ADAM17: variants seen among roughly 807,000 people sequenced by gnomAD.
ADAM17 encodes the protein ADAM metallopeptidase domain 17.
A neutral mutation model predicts 96.7 loss-of-function variants in ADAM17; 39 were observed. The ratio of observed to expected loss-of-function variants is 0.40; its 90% CI spans 0.31 to 0.53. ADAM17 has a LOEUF of 0.53. ADAM17 is among the 20% of genes least tolerant of loss of function. The pLI, the probability that ADAM17 is intolerant of heterozygous loss-of-function variation, is 0.44. For missense variants in ADAM17, 777 were observed against 1,013.2 expected, an observed-to-expected ratio of 0.77 and a Z score of 3.17; for synonymous variants, 344 against 359.2, an observed-to-expected ratio of 0.96 and a Z score of 0.48.
chr2:9,523,195 A>G, intron 7 of ADAM17, 54 bp downstream of exon 7: 2 of 1,372,098 alleles, frequency 1.5e-6, no homozygotes, highest in Non-Finnish European at 2.0e-6. Flanking sequence ...TACAAGTGAC[A>G]AATATTTACA....
chr2:9,546,097 CA>C (rs34936940), intron 1 of ADAM17, among the ~76,000 whole-genome samples: 2,877 of 88,058 alleles, frequency 0.033, 33 homozygotes, highest in Non-Finnish European at 0.041. Flanking sequence ...GACCCAGTCT[CA>C]AAAAAAAAAA....
At chr2:9,529,178 G>C (rs1222342228) in intron 4 of ADAM17, among the ~76,000 whole-genome samples, 1 of 152,150 alleles carries the variant, frequency 6.6e-6, no homozygotes, top group African/African-American at 2.4e-5. Context: ...GGCTGGGCGT[G>C]GTGGCTCATG....
At chr2:9,545,135 C>G (rs1665358959) in intron 1 of ADAM17, among the ~76,000 whole-genome samples, 1 of 152,180 alleles carries the variant, frequency 6.6e-6, no homozygotes, top group South Asian at 2.1e-4. Flanking sequence ...CCAGCAGCAT[C>G]ATCATCAACT....
At position 9,536,757 on chromosome 2, in the gene ADAM17, C is replaced by T. The variant is rs1463366554; in HGVS notation, c.302G>A (p.Gly101Asp). The T allele has an allele frequency of 4.3e-6, 7 of 1,614,094 alleles. No homozygotes were observed. The highest frequency in any genetic ancestry group is 5.9e-6 in the Non-Finnish European group (7 of 1,179,980). ...TACAGTGTACTCGCTTTCGTTTTTACCATCCACCACCACGACCTTGAAATT... is the reference window on the plus strand; with the variant it reads ...TACAGTGTACTCGCTTTCGTTTTTATCATCCACCACCACGACCTTGAAATT... The part of the protein sequence containing the change: ...SQNFKVVVVD[G>D]KNESEYTVKW... Residue 101 changes from glycine (G) to aspartate (D), a missense_variant, in exon 3 of 19, where the codon GGT becomes GAT. Gly to Asp is a moderately conservative substitution (Grantham distance 94, BLOSUM62 -1). This residue lies in a region of ADAM17 where 134 missense variants were observed against 129.1 expected (regional missense o/e 1.04). Coordinates refer to ENST00000310823, the MANE Select transcript of ADAM17 (RefSeq NM_003183.6).
intron 11 of ADAM17, 117 bp downstream of exon 11, chr2:9,509,862 T>C: frequency 7.6e-7 from 1 of 1,320,668 alleles, no homozygotes; most frequent in Admixed American, 2.2e-5. Context: ...ACTTTGTAAT[T>C]TGCACATCCA....
rs55937573 is a variant in ADAM17 at position 9,505,239 on chromosome 2, G to A, written c.1471C>T (p.Pro491Ser). The A allele has an allele frequency of 4.5e-4, 720 of 1,614,098 alleles. 2 individuals are homozygous for A. The highest frequency in any genetic ancestry group is 2.6e-3 in the Admixed American group (155 of 60,002). Reference sequence around the variant, plus strand: ...TCGTTGTTCAGATACATGATGCCAGGATCACACTCTTCTCCTTCATCCACC... The same window carrying A: ...TCGTTGTTCAGATACATGATGCCAGAATCACACTCTTCTCCTTCATCCACC... ...SRVDEGEECD[P>S]GIMYLNNDTC... is the part of the protein sequence containing the mutation. Residue 491 changes from proline to serine, a missense_variant, in exon 12 of 19, where the codon CCT becomes TCT. Coordinates refer to ENST00000310823, the MANE Select transcript of ADAM17 (RefSeq NM_003183.6).
chr2:9,547,462 A>C (rs1665438945), intron 1 of ADAM17, among the ~76,000 whole-genome samples: 1 of 152,244 alleles, frequency 6.6e-6, no homozygotes, highest in Non-Finnish European at 1.5e-5. Flanking sequence ...TGCTGAGTCA[A>C]AGATGTTTTC....
chr2:9,541,929 A>G (rs1665220885), intron 2 of ADAM17, among the ~76,000 whole-genome samples: 1 of 152,150 alleles, frequency 6.6e-6, no homozygotes, highest in Non-Finnish European at 1.5e-5. Flanking sequence ...AGTCCCAGCT[A>G]CTTGAGAGGC....
chr2:9,542,043 T>A (rs1455186900), intron 2 of ADAM17, among the ~76,000 whole-genome samples: 1 of 152,096 alleles, frequency 6.6e-6, no homozygotes, highest in East Asian at 1.9e-4. Context: ...CTCAAAAAAA[T>A]AAATAAATAA....
intron 10 of ADAM17, among the ~76,000 whole-genome samples, chr2:9,511,243 G>A (rs186363183): frequency 3.3e-5 from 5 of 152,278 alleles, no homozygotes; most frequent in African/African-American, 1.2e-4. Flanking sequence ...GAGGTCAGGA[G>A]TTCGAGACCA....
chr2:9,535,505 A>G (rs1664924863), intron 4 of ADAM17, among the ~76,000 whole-genome samples: 1 of 152,214 alleles, frequency 6.6e-6, no homozygotes, highest in South Asian at 2.1e-4. Context: ...AAATTGAAAA[A>G]TAATACTTCA....
Position 9,488,501 on chromosome 2 carries a change from A to G in ADAM17, c.*1676T>C, listed in dbSNP as rs1449384458. The G allele has an allele frequency of 2.0e-6, 1 of 494,822 alleles. No individual in the cohort carries two copies. Among genetic ancestry groups the G allele is most frequent in the African/African-American group, 2.0e-5 (1 of 49,800 alleles). 30.7% of individuals were successfully genotyped at this position (494,822 alleles called of 1,614,324 possible). A position where few individuals can be genotyped will look rare whatever the true frequency, so the allele number is the denominator to read the frequency against. On this transcript the variant is annotated 3_prime_UTR_variant, in exon 19 of 19. Transcript: ENST00000310823. ...CTTAGGTCCATTGTGTTTCGACAGT[A>G]TTTATTAATGCAGATATCAGTGCTA...
Position 9,536,713 on chromosome 2 carries a change from T to C in ADAM17, c.346A>G (p.Thr116Ala), listed in dbSNP as rs1664974108. 6.2e-7 allele frequency: 1 copy of C among 1,614,072 alleles called. No individual in the cohort carries two copies. Among genetic ancestry groups the C allele is most frequent in the African/African-American group, 1.3e-5 (1 of 75,042 alleles). ...CCATACTAACCAACCACGTGTCCAGTGAAGAAGTCCTGCCATTTTACAGTG... is the reference window on the plus strand; with the variant it reads ...CCATACTAACCAACCACGTGTCCAGCGAAGAAGTCCTGCCATTTTACAGTG... ...EYTVKWQDFF[T>A]GHVVGEPDSR... The change falls in exon 3 of 19, where the codon ACT becomes GCT. Residue 116 changes from threonine to alanine, a missense_variant. Physicochemically the swap from Thr to Ala is moderately conservative, Grantham distance 58 (BLOSUM62 0). Around this residue, in one of 3 missense-constraint regions of ADAM17, gnomAD observed 446 missense variants for 664.7 expected, o/e 0.67. Transcript: ENST00000310823.
intron 15 of ADAM17, among the ~76,000 whole-genome samples, chr2:9,494,141 A>G (rs1662374938): frequency 6.6e-6 from 1 of 152,226 alleles, no homozygotes; most frequent in Non-Finnish European, 1.5e-5. Context: ...TGAACAACAC[A>G]GCCAGACTCC....
In ADAM17 at chr2:9,494,721, G is replaced by A. The variant is rs1572880905; in HGVS notation, c.1830C>T (p.Arg610=). 6.2e-7 allele frequency: 1 copy of A among 1,614,078 alleles called. No individual in the cohort carries two copies. The highest frequency in any genetic ancestry group is 1.7e-5 in the Admixed American group (1 of 60,016). Reference sequence around the variant, plus strand: ...GTTCAGCATCGACATAGGGCACACAGCGGCCAGAAAGGTCCCTGCAGCACA... The same window carrying A: ...GTTCAGCATCGACATAGGGCACACAACGGCCAGAAAGGTCCCTGCAGCACA... ...CKVCCRDLSG[R]CVPYVDAEQK... is the part of the protein sequence containing the mutation. Residue 610 remains arginine, a synonymous_variant, in exon 15 of 19, where the codon CGC becomes CGT. Coordinates refer to ENST00000310823, the MANE Select transcript of ADAM17 (RefSeq NM_003183.6).
At chr2:9,552,717 T>C (rs1225138636) in intron 1 of ADAM17, among the ~76,000 whole-genome samples, 4 of 152,224 alleles carry the variant, frequency 2.6e-5, no homozygotes, top group African/African-American at 9.6e-5. Flanking sequence ...GTGAGACTTA[T>C]ACACCCCAGC....
At chr2:9,531,124 A>G (rs1664720678) in intron 4 of ADAM17, among the ~76,000 whole-genome samples, 1 of 152,010 alleles carries the variant, frequency 6.6e-6, no homozygotes, top group Non-Finnish European at 1.5e-5. Context: ...AGCCTGGCTA[A>G]TTTTTGTATT....
chr2:9,538,491 T>C lies in ADAM17; in HGVS notation c.231-1663A>G, dbSNP rs148061934. Among the ~76,000 whole-genome samples the C allele has an allele frequency of 3.5e-3, 533 of 152,340 alleles. 4 individuals carry two copies. Among genetic ancestry groups the C allele is most frequent in the African/African-American group, 0.012 (501 of 41,578 alleles). On this transcript the variant is annotated intron_variant, in intron 2 of 18. Transcript: ENST00000310823. ...TTTTCTTCTGCTATCCTAAAACATA[T>C]CTTCCCACACATTCTCAGTTATGAT...
Position 9,538,951 on chromosome 2 carries a change from T to C in ADAM17, c.231-2123A>G, listed in dbSNP as rs529026752. ...ATTTAGTCAGGTATATCACTTTCAT[T>C]TCTTTATCAGTTCTAGACCTTCTCA... On this transcript the variant is annotated intron_variant, in intron 2 of 18. Transcript: ENST00000310823. 3.9e-5 allele frequency among the ~76,000 whole-genome samples: 6 copies of C among 152,342 alleles called. No homozygotes were observed. In the South Asian group the frequency reaches 1.2e-3, roughly 32 times the overall value.
Sources: allele counts gnomAD v4.1 joint callset (sites outside exome capture counted in the v4.1 genomes callset), GRCh38; gene constraint gnomAD v4.1.1; regional missense constraint gnomAD v4.1.1; transcripts MANE v1.5; gene names NCBI Gene and HGNC (gene_info 2026-07-23, HGNC 2026-07-21).